NRXN1: variants seen among roughly 807,000 people sequenced by gnomAD.
NRXN1 encodes neurexin-1.
A neutral mutation model predicts 150.9 loss-of-function variants in NRXN1; 39 were observed. The ratio of observed to expected loss-of-function variants is 0.26; its 90% CI spans 0.20 to 0.34. The LOEUF (loss-of-function observed/expected upper bound fraction) is 0.34, where lower values mean the gene tolerates loss of function less well. NRXN1 is among the 10% of genes least tolerant of loss of function. NRXN1 has a pLI of 1.00. For missense variants in NRXN1, 1,815 were observed against 1,949.9 expected, an observed-to-expected ratio of 0.93 and a Z score of 1.30; for synonymous variants, 924 against 757.0, an observed-to-expected ratio of 1.22 and a Z score of -3.62.
chr2:50,256,415 G>A (rs2067707254), intron 17 of NRXN1, among the ~76,000 whole-genome samples: 1 of 152,140 alleles, frequency 6.6e-6, no homozygotes, highest in Non-Finnish European at 1.5e-5. Flanking sequence ...GACATTTAAA[G>A]ACTTTGTTTT....
At chr2:50,144,916 G>C (rs1320404069) in intron 18 of NRXN1, among the ~76,000 whole-genome samples, 1 of 151,430 alleles carries the variant, frequency 6.6e-6, no homozygotes, top group African/African-American at 2.4e-5. Flanking sequence ...TATAATATTT[G>C]AAACTTAAAA....
chr2:50,507,868 A>G (rs2105011968), intron 12 of NRXN1, among the ~76,000 whole-genome samples: 1 of 152,200 alleles, frequency 6.6e-6, no homozygotes. Flanking sequence ...ATGTCTTTCA[A>G]CGAATTGAGA....
chr2:50,172,623 C>G (rs1004814405), intron 18 of NRXN1, among the ~76,000 whole-genome samples: 1 of 152,188 alleles, frequency 6.6e-6, no homozygotes, highest in Non-Finnish European at 1.5e-5. Flanking sequence ...TTTCCCAAAA[C>G]TCAATTTTTC....
intron 18 of NRXN1, among the ~76,000 whole-genome samples, chr2:50,179,492 G>A (rs2152809005): frequency 1.3e-5 from 2 of 152,120 alleles, no homozygotes; most frequent in Middle Eastern, 3.4e-3. Context: ...ACTGAACTTG[G>A]GAAACCATTT....
chr2:49,995,861 TAAAAAAA>T (rs60974625), intron 21 of NRXN1, among the ~76,000 whole-genome samples: 5 of 66,174 alleles, frequency 7.6e-5, no homozygotes, highest in African/African-American at 1.6e-4. Context: ...TGCTGGATAG[TAAAAAAA>T]AAAAAAAAAA....
intron 2 of NRXN1, among the ~76,000 whole-genome samples, chr2:50,984,134 ATTTTTTTTTTTTTTTTTT>A (rs70958636): frequency 2.7e-5 from 2 of 72,794 alleles, no homozygotes; most frequent in East Asian, 5.4e-4. Flanking sequence ...CGCCAGGCTA[ATTTTTTTTTTTTTTTTTT>A]TTTTTTTTTT....
chr2:50,334,385 AAAG>A (rs1251909801), intron 17 of NRXN1, among the ~76,000 whole-genome samples: 1 of 151,952 alleles, frequency 6.6e-6, no homozygotes, highest in East Asian at 1.9e-4. Context: ...AGCACAAGTT[AAAG>A]TAGTGTTTTC....
intron 21 of NRXN1, among the ~76,000 whole-genome samples, chr2:49,963,075 C>T (rs1301201366): frequency 3.3e-5 from 5 of 152,036 alleles, no homozygotes; most frequent in Admixed American, 1.3e-4. Context: ...ATTTATATCC[C>T]GAGGATGCTG....
At chr2:50,792,463 T>C (rs13017116) in intron 5 of NRXN1, among the ~76,000 whole-genome samples, 37,249 of 151,956 alleles carry the variant, frequency 0.25, 4,989 homozygotes, top group Non-Finnish European at 0.31. Context: ...AAACATATTA[T>C]CTAATACTAT....
intron 5 of NRXN1, among the ~76,000 whole-genome samples, chr2:50,643,068 A>G (rs754165181): frequency 3.9e-5 from 6 of 151,998 alleles, no homozygotes; most frequent in Non-Finnish European, 5.9e-5. Context: ...AAAGCTCAAG[A>G]TATTCTTTAA....
chr2:49,936,687 G>C (rs1671082377), intron 22 of NRXN1, among the ~76,000 whole-genome samples: 2 of 150,084 alleles, frequency 1.3e-5, no homozygotes, highest in African/African-American at 4.9e-5. Context: ...ATGTTGTTAA[G>C]AGCTTTTCTA....
intron 17 of NRXN1, among the ~76,000 whole-genome samples, chr2:50,363,249 A>G (rs1349588629): frequency 1.3e-5 from 2 of 152,230 alleles, no homozygotes; most frequent in East Asian, 3.8e-4. Context: ...ATGGGTTCTG[A>G]TTAAACTAAG....
chr2:50,715,197 A>G (rs1695712284), intron 5 of NRXN1, among the ~76,000 whole-genome samples: 1 of 152,182 alleles, frequency 6.6e-6, no homozygotes, highest in African/African-American at 2.4e-5. Flanking sequence ...ACTATACAGG[A>G]AATAGCACCT....
chr2:50,178,302 T>C (rs2060475352), intron 18 of NRXN1, among the ~76,000 whole-genome samples: 2 of 152,044 alleles, frequency 1.3e-5, no homozygotes, highest in Admixed American at 6.6e-5. Flanking sequence ...CTGCTCAATC[T>C]GGTCTATCCA....
chr2:50,380,909 C>A (rs796915626), intron 17 of NRXN1, among the ~76,000 whole-genome samples: 1 of 152,078 alleles, frequency 6.6e-6, no homozygotes. Flanking sequence ...TTACATTAGG[C>A]CCTCTAAAGA....
intron 5 of NRXN1, among the ~76,000 whole-genome samples, chr2:50,648,202 G>A (rs1295861224): frequency 6.6e-6 from 1 of 151,700 alleles, no homozygotes; most frequent in Non-Finnish European, 1.5e-5. Context: ...AACGACATAA[G>A]GCAAAACCTC....
At chr2:50,116,914 C>T (rs1703150347) in intron 18 of NRXN1, among the ~76,000 whole-genome samples, 1 of 152,070 alleles carries the variant, frequency 6.6e-6, no homozygotes, top group South Asian at 2.1e-4. Context: ...CTAAAAATGA[C>T]TTAAAAATCC....
rs183080803 is a variant in NRXN1 at position 50,302,157 on chromosome 2, G to T, written c.3365-65187C>A. On this transcript the variant is annotated intron_variant, in intron 17 of 22. Transcript: ENST00000401669. ...GAAGTTAGTTTTGAAACTAAGTTTTGTGGCAATTTTATGACAAAGATTAGG... is the reference window on the plus strand; with the variant it reads ...GAAGTTAGTTTTGAAACTAAGTTTTTTGGCAATTTTATGACAAAGATTAGG... Among the ~76,000 whole-genome samples, 3 of 152,046 alleles carry T rather than the reference G, an allele frequency of 2.0e-5. No homozygotes were observed. The South Asian group carries it at 6.2e-4, about 32-fold the overall frequency.
intron 17 of NRXN1, among the ~76,000 whole-genome samples, chr2:50,426,695 G>A (rs988649697): frequency 9.2e-5 from 14 of 151,898 alleles, no homozygotes; most frequent in Non-Finnish European, 8.8e-5. Context: ...TGTTGCATTC[G>A]GCCCGGAAAA....
Sources: gnomAD v4.1 joint callset for allele counts (sites outside exome capture counted in the v4.1 genomes callset) on GRCh38, gnomAD v4.1.1 for gene constraint, MANE v1.5 for transcripts, NCBI Gene and HGNC (gene_info 2026-07-23, HGNC 2026-07-21) for gene names.